NRDC: variants seen among roughly 807,000 people sequenced by gnomAD.
The protein encoded by NRDC is nardilysin.
A neutral mutation model predicts 147.1 loss-of-function variants in NRDC; 54 were observed. That is an observed-to-expected ratio of 0.37 (90% CI 0.29 to 0.46). The LOEUF is 0.46. Among genes scored for constraint, NRDC ranks in the 20% least tolerant of loss-of-function variants. The pLI is 1.00. For synonymous variants in NRDC, 440 were observed against 482.1 expected (o/e 0.91, Z 1.14); for missense variants, 1,082 against 1,370.6 (o/e 0.79, Z 3.33).
At chr1:51,868,997 C>T (rs1184274006) in intron 1 of NRDC, among the ~76,000 whole-genome samples, 4 of 152,102 alleles carry the variant, frequency 2.6e-5, no homozygotes, top group Admixed American at 1.3e-4. Flanking sequence ...TGGAGTGTAC[C>T]GGTGTGATCA....
chr1:51,838,588 G>A (rs980818253), intron 2 of NRDC, among the ~76,000 whole-genome samples: 1 of 152,100 alleles, frequency 6.6e-6, no homozygotes, highest in African/African-American at 2.4e-5. Flanking sequence ...GTCTGGCTTA[G>A]AGCTAAAATA....
At chr1:51,811,326 A>G (rs1338297486) in intron 15 of NRDC, among the ~76,000 whole-genome samples, 1 of 152,202 alleles carries the variant, frequency 6.6e-6, no homozygotes, top group Non-Finnish European at 1.5e-5. Context: ...TGCCTTCTGC[A>G]TTATAGGACA....
rs567533115 is a variant in NRDC at position 51,863,416 on chromosome 1, T to A, written c.341+14859A>T. 4.6e-3 allele frequency among the ~76,000 whole-genome samples: 700 copies of A among 151,814 alleles called. 2 individuals are homozygous for A. The highest frequency in any genetic ancestry group is 8.0e-3 in the Non-Finnish European group (540 of 67,874). ...GACTCTGTCTCAAGAAAAAAAAAAATTAGCTTTTGGTGCAGATTTAATAAT... is the reference window on the plus strand; with the variant it reads ...GACTCTGTCTCAAGAAAAAAAAAAAATAGCTTTTGGTGCAGATTTAATAAT... On this transcript the variant is annotated intron_variant, in intron 1 of 30. Coordinates refer to ENST00000352171, the MANE Select transcript of NRDC (RefSeq NM_001101662.2).
intron 29 of NRDC, among the ~76,000 whole-genome samples, 176 bp downstream of exon 29, chr1:51,790,349 TCACGTGGC>T (rs1678548589): frequency 6.6e-6 from 1 of 152,214 alleles, no homozygotes; most frequent in South Asian, 2.1e-4. Context: ...AGCACCCAGC[TCACGTGGC>T]CACCTAAGGT....
chr1:51,790,813 CAAA>C, intron 28 of NRDC, 84 bp downstream of exon 28: 1 of 1,187,532 alleles, frequency 8.4e-7, no homozygotes, highest in East Asian at 2.4e-5. Flanking sequence ...CTGCAAAGCT[CAAA>C]AACTGGCCGG....
At chr1:51,797,455 G>A (rs1678982792) in intron 22 of NRDC, among the ~76,000 whole-genome samples, 1 of 151,976 alleles carries the variant, frequency 6.6e-6, no homozygotes, top group Non-Finnish European at 1.5e-5. Flanking sequence ...TGTCTCTCTG[G>A]ATATTTCTTA....
intron 22 of NRDC, among the ~76,000 whole-genome samples, chr1:51,797,520 C>T (rs1448745083): frequency 6.6e-6 from 1 of 152,158 alleles, no homozygotes; most frequent in African/African-American, 2.4e-5. Context: ...GGATAAAGCC[C>T]AGCACCTTAG....
At chr1:51,794,689 G>A (rs1678811598) in intron 23 of NRDC, 79 bp from the exon 24 acceptor site, 2 of 1,590,958 alleles carry the variant, frequency 1.3e-6, no homozygotes, top group African/African-American at 2.7e-5. Flanking sequence ...CAATTGCCTT[G>A]TACACCAGCC....
chr1:51,827,875 C>CA lies in NRDC; in HGVS notation c.867-7dup. ...GGATGAAGAACTGCGCCCATCTGAA[C>CA]AAAAAACAAAACTGGCATTTCCGTT... On this transcript the variant is annotated splice_region_variant and splice_polypyrimidine_tract_variant and intron_variant, in intron 4 of 30. Coordinates refer to ENST00000352171, the MANE Select transcript of NRDC (RefSeq NM_001101662.2). 6.2e-7 allele frequency: 1 copy of CA among 1,612,806 alleles called. No homozygotes were observed.
At chr1:51,829,965 CTTTTT>C (rs941972546) in intron 4 of NRDC, among the ~76,000 whole-genome samples, 12 of 131,272 alleles carry the variant, frequency 9.1e-5, no homozygotes, top group African/African-American at 3.3e-4. Flanking sequence ...TCTTTTATTT[CTTTTT>C]TTTTTTTTTT....
chr1:51,864,573 A>C (rs1318094259), intron 1 of NRDC, among the ~76,000 whole-genome samples: 1 of 152,160 alleles, frequency 6.6e-6, no homozygotes, highest in Non-Finnish European at 1.5e-5. Context: ...TTTTACAGAA[A>C]ATATTTGGTG....
intron 2 of NRDC, chr1:51,839,973 C>A: frequency 6.2e-6 from 2 of 322,174 alleles, no homozygotes; most frequent in Non-Finnish European, 1.1e-5. Flanking sequence ...TGTTGATTAC[C>A]TCTGAGAGAT....
intron 14 of NRDC, among the ~76,000 whole-genome samples, chr1:51,813,207 A>G (rs1409522684): frequency 1.3e-5 from 2 of 152,224 alleles, no homozygotes; most frequent in Non-Finnish European, 2.9e-5. Flanking sequence ...TTTAAAACTG[A>G]AAGAATGACC....
At chr1:51,789,505 C>A in intron 30 of NRDC, 63 bp downstream of exon 30, 1 of 1,588,070 alleles carries the variant, frequency 6.3e-7, no homozygotes, top group South Asian at 1.1e-5. Flanking sequence ...CTGATGATAA[C>A]CACCCAAACT....
chr1:51,798,423 G>A lies in NRDC; in HGVS notation c.2442-12C>T. Reference sequence around the variant, plus strand: ...AAAGCCGTACATCTCTGTACAGAGGGCAGAAAAAAAACACTCAAAGTTTTG... The same window carrying A: ...AAAGCCGTACATCTCTGTACAGAGGACAGAAAAAAAACACTCAAAGTTTTG... On this transcript the variant is annotated splice_polypyrimidine_tract_variant and intron_variant, in intron 21 of 30. Coordinates refer to ENST00000352171, the MANE Select transcript of NRDC (RefSeq NM_001101662.2). 2 of 1,568,804 alleles carry A rather than the reference G, an allele frequency of 1.3e-6. No homozygotes were observed. The highest frequency in any genetic ancestry group is 8.7e-7 in the Non-Finnish European group (1 of 1,154,546).
chr1:51,814,719 C>G lies in NRDC; in HGVS notation c.1534G>C (p.Asp512His), dbSNP rs1557908108. The G allele has an allele frequency of 1.9e-6, 3 of 1,610,064 alleles. No homozygotes were observed. The highest frequency in any genetic ancestry group is 1.7e-6 in the Non-Finnish European group (2 of 1,178,672). The change falls in exon 12 of 31, where the codon GAT (aspartate) becomes CAT (histidine). Residue 512 changes from aspartate (D) to histidine (H), a missense_variant. By Grantham distance (81) the Asp-to-His change is moderately conservative (BLOSUM62 -1). Around this residue, in one of 3 missense-constraint regions of NRDC, gnomAD observed 635 missense variants for 923.8 expected, o/e 0.69. Coordinates refer to ENST00000352171, the MANE Select transcript of NRDC (RefSeq NM_001101662.2). ...TCATAAAAATGTTCATAACCCTCAT[C>G]AGTCAATGTAATAGAAATGCTGAAC... ...SVFSISITLT[D>H]EGYEHFYEVA... is the part of the protein sequence containing the mutation.
At chr1:51,838,904 C>T (rs993949973) in intron 2 of NRDC, among the ~76,000 whole-genome samples, 1 of 152,000 alleles carries the variant, frequency 6.6e-6, no homozygotes, top group Non-Finnish European at 1.5e-5. Flanking sequence ...TGATGTTCAT[C>T]TCTACAGCCT....
chr1:51,790,657 C>T lies in NRDC; in HGVS notation c.3052-8G>A. The T allele has an allele frequency of 6.3e-7, 1 of 1,592,618 alleles. No individual in the cohort carries two copies. The highest frequency in any genetic ancestry group is 8.6e-7 in the Non-Finnish European group (1 of 1,160,508). ...CTTGATGAGAGCTGTGACCTGTTCC[C>T]ACCAAAAAGAAAGATGCTCAGGTGA... On this transcript the variant is annotated splice_polypyrimidine_tract_variant and splice_region_variant and intron_variant, in intron 28 of 30. Transcript: ENST00000352171.
intron 2 of NRDC, 26 bp from the exon 3 acceptor site, chr1:51,836,238 T>C (rs1192582919): frequency 6.2e-7 from 1 of 1,609,062 alleles, no homozygotes; most frequent in South Asian, 1.1e-5. Flanking sequence ...CACATACAAA[T>C]AGTTGAGTCA....
Sources: allele counts gnomAD v4.1 joint callset (sites outside exome capture counted in the v4.1 genomes callset), GRCh38; gene constraint gnomAD v4.1.1; regional missense constraint gnomAD v4.1.1; transcripts MANE v1.5; gene names NCBI Gene and HGNC (gene_info 2026-07-23, HGNC 2026-07-21).